DNAJC1: variants seen among roughly 807,000 people sequenced by gnomAD.
The protein encoded by DNAJC1 is DnaJ heat shock protein family (Hsp40) member C1.
DNAJC1 carries 58 observed loss-of-function variants against 76.6 expected under a neutral mutation model. That is an observed-to-expected ratio of 0.76 (90% CI 0.61 to 0.94). The LOEUF (loss-of-function observed/expected upper bound fraction) is 0.94. Among genes scored for constraint, DNAJC1 ranks in the 40% least tolerant of loss-of-function variants. DNAJC1 has a pLI of 0.00. For synonymous variants in DNAJC1, 258 were observed against 267.9 expected, an observed-to-expected ratio of 0.96 and a Z score of 0.36; for missense variants, 689 against 677.3, an observed-to-expected ratio of 1.02 and a Z score of -0.19.
intron 8 of DNAJC1, among the ~76,000 whole-genome samples, chr10:21,869,820 G>A (rs1836073015): frequency 6.6e-6 from 1 of 152,022 alleles, no homozygotes; most frequent in African/African-American, 2.4e-5. Context: ...TTTTGACATT[G>A]TACTACAGTT....
At chr10:21,907,933 A>G (rs1302387510) in intron 6 of DNAJC1, among the ~76,000 whole-genome samples, 1 of 145,482 alleles carries the variant, frequency 6.9e-6, no homozygotes, top group Non-Finnish European at 1.5e-5. Context: ...AGCCAAGATC[A>G]CACCACTGAA....
chr10:21,966,817 C>T (rs978708809), intron 1 of DNAJC1, among the ~76,000 whole-genome samples: 1 of 151,706 alleles, frequency 6.6e-6, no homozygotes, highest in African/African-American at 2.4e-5. Context: ...TCCCGAGTAG[C>T]TGGGATTACA....
Position 21,941,268 on chromosome 10 carries a change from C to CAAA in DNAJC1, c.223-12130_223-12128dup, listed in dbSNP as rs11435502. Reference sequence around the variant, plus strand: ...TGGGCGACAGAGCAAGACACTGTCTCAAAAAAAAAAAAAAAAAAAAAAAAC... The same window carrying CAAA: ...TGGGCGACAGAGCAAGACACTGTCTCAAAAAAAAAAAAAAAAAAAAAAAAAAAC... On this transcript the variant is annotated intron_variant, in intron 1 of 11. Transcript: ENST00000376980. 5.3e-3 allele frequency among the ~76,000 whole-genome samples: 228 copies of CAAA among 43,358 alleles called. 11 individuals are homozygous for CAAA. The highest frequency in any genetic ancestry group is 5.6e-3 in the Non-Finnish European group (148 of 26,270). The allele number at this position is 43,358 out of a possible 152,430, so 28.4% of individuals were successfully genotyped here. A position where few individuals can be genotyped will look rare whatever the true frequency, so the allele number is the denominator to read the frequency against.
chr10:21,932,842 C>G (rs767441757), intron 1 of DNAJC1, among the ~76,000 whole-genome samples: 1 of 152,158 alleles, frequency 6.6e-6, no homozygotes, highest in Non-Finnish European at 1.5e-5. Flanking sequence ...AGGCTGGTCT[C>G]AAACTCCTTG....
At chr10:21,927,365 A>G (rs2131778115) in intron 3 of DNAJC1, among the ~76,000 whole-genome samples, 1 of 152,338 alleles carries the variant, frequency 6.6e-6, no homozygotes, top group Middle Eastern at 3.4e-3. Context: ...ACATTTGAGG[A>G]AAGATTCAGA....
intron 1 of DNAJC1, among the ~76,000 whole-genome samples, chr10:21,941,712 T>C (rs1050388150): frequency 3.3e-5 from 5 of 152,172 alleles, no homozygotes; most frequent in African/African-American, 1.2e-4. Context: ...TTGTGATTTG[T>C]AATATATGTG....
At chr10:22,002,761 T>C (rs1212449928) in intron 1 of DNAJC1, among the ~76,000 whole-genome samples, 1 of 151,066 alleles carries the variant, frequency 6.6e-6, no homozygotes, top group Admixed American at 6.6e-5. Flanking sequence ...AGAATAAGGA[T>C]GAGGTAAGTA....
At chr10:21,834,867 G>A (rs963107618) in intron 8 of DNAJC1, among the ~76,000 whole-genome samples, 3 of 152,216 alleles carry the variant, frequency 2.0e-5, no homozygotes, top group East Asian at 1.9e-4. Context: ...GCTCAAGGAC[G>A]CCTGCCTACC....
At chr10:21,994,514 C>A (rs375796977) in intron 1 of DNAJC1, among the ~76,000 whole-genome samples, 2 of 152,218 alleles carry the variant, frequency 1.3e-5, no homozygotes, top group Admixed American at 1.3e-4. Flanking sequence ...GTTGGCCAGG[C>A]GCGGTGGCTC....
chr10:21,916,082 T>C (rs1836950002), intron 6 of DNAJC1, among the ~76,000 whole-genome samples: 1 of 152,220 alleles, frequency 6.6e-6, no homozygotes, highest in African/African-American at 2.4e-5. Flanking sequence ...ACAAAGATTA[T>C]ACAATTACAC....
chr10:21,853,565 C>T (rs1453853762), intron 8 of DNAJC1, among the ~76,000 whole-genome samples: 1 of 151,726 alleles, frequency 6.6e-6, no homozygotes, highest in Admixed American at 6.6e-5. Context: ...TATTGTTGTA[C>T]CAGAATATCT....
chr10:21,853,189 T>G (rs1835782855), intron 8 of DNAJC1, among the ~76,000 whole-genome samples: 1 of 152,188 alleles, frequency 6.6e-6, no homozygotes, highest in Non-Finnish European at 1.5e-5. Context: ...TATCTCATAT[T>G]CTACTCCTGC....
chr10:21,916,269 C>T (rs1032762798), intron 6 of DNAJC1, among the ~76,000 whole-genome samples: 1 of 152,130 alleles, frequency 6.6e-6, no homozygotes, highest in African/African-American at 2.4e-5. Flanking sequence ...GTGGGCGGAT[C>T]ATGAGATCAG....
Position 21,786,427 on chromosome 10 carries a change from A to AAT in DNAJC1, c.1098+19551_1098+19552dup, listed in dbSNP as rs71472824. On this transcript the variant is annotated intron_variant, in intron 9 of 11. Coordinates refer to ENST00000376980, the MANE Select transcript of DNAJC1 (RefSeq NM_022365.4). ...GTTGAGGTTTTGATTTTAAAATGGGAATATATATATATATATATATATATA... is the reference window on the plus strand; with the variant it reads ...GTTGAGGTTTTGATTTTAAAATGGGAATATATATATATATATATATATATATA... Among the ~76,000 whole-genome samples, 28 of 31,394 alleles carry AAT rather than the reference A, an allele frequency of 8.9e-4. 1 individual carries two copies. Among genetic ancestry groups the AAT allele is most frequent in the South Asian group, 3.4e-3 (1 of 294 alleles). 20.6% of individuals were successfully genotyped at this position (31,394 alleles called of 152,430 possible). A position where few individuals can be genotyped will look rare whatever the true frequency, so the allele number is the denominator to read the frequency against.
At chr10:21,923,209 C>T (rs939830138) in intron 3 of DNAJC1, among the ~76,000 whole-genome samples, 2 of 152,020 alleles carry the variant, frequency 1.3e-5, no homozygotes, top group East Asian at 3.9e-4. Context: ...AGAATCAATG[C>T]TCTATTGATT....
At chr10:21,846,559 C>A (rs1443458048) in intron 8 of DNAJC1, among the ~76,000 whole-genome samples, 1 of 151,990 alleles carries the variant, frequency 6.6e-6, no homozygotes, top group African/African-American at 2.4e-5. Flanking sequence ...GATAAAGTAC[C>A]AAGTAGAGCC....
chr10:21,966,889 G>A (rs1030620021), intron 1 of DNAJC1, among the ~76,000 whole-genome samples: 3 of 151,618 alleles, frequency 2.0e-5, no homozygotes, highest in Non-Finnish European at 4.4e-5. Flanking sequence ...ATTTCACCAC[G>A]TTGCCCAGGC....
At chr10:21,777,940 T>A (rs1311795359) in intron 9 of DNAJC1, among the ~76,000 whole-genome samples, 1 of 152,152 alleles carries the variant, frequency 6.6e-6, no homozygotes, top group Non-Finnish European at 1.5e-5. Flanking sequence ...GTAATCCCAA[T>A]AGTTTGGGAG....
intron 8 of DNAJC1, among the ~76,000 whole-genome samples, chr10:21,835,671 T>A (rs968091780): frequency 1.3e-5 from 2 of 151,958 alleles, no homozygotes; most frequent in African/African-American, 4.8e-5. Context: ...GAGAGCTACG[T>A]GACGAATGCA....
Sources: gnomAD v4.1 joint callset for allele counts (sites outside exome capture counted in the v4.1 genomes callset) on GRCh38, gnomAD v4.1.1 for gene constraint, MANE v1.5 for transcripts, NCBI Gene and HGNC (gene_info 2026-07-23, HGNC 2026-07-21) for gene names.